PAX5: variants seen among roughly 807,000 people sequenced by gnomAD.
The protein encoded by PAX5 is paired box protein Pax-5.
A neutral mutation model predicts 43.7 loss-of-function variants in PAX5; 9 were observed. The ratio of observed to expected loss-of-function variants is 0.21; its 90% CI spans 0.12 to 0.36. The LOEUF (loss-of-function observed/expected upper bound fraction) is 0.36, where lower values mean the gene tolerates loss of function less well. Ranked by LOEUF, PAX5 falls within the 10% of genes least tolerant of loss-of-function variation. PAX5 has a pLI of 1.00. For synonymous variants in PAX5, 228 were observed against 214.3 expected (o/e 1.06, Z -0.56); for missense variants, 383 against 532.7 (o/e 0.72, Z 2.77).
At chr9:37,032,138 C>A (rs1233828647) in intron 1 of PAX5, among the ~76,000 whole-genome samples, 1 of 152,198 alleles carries the variant, frequency 6.6e-6, no homozygotes, top group Admixed American at 6.5e-5. Flanking sequence ...GCTTGGCCAG[C>A]CTAGGGCTCC....
chr9:36,927,523 T>C (rs1354268042), intron 6 of PAX5, among the ~76,000 whole-genome samples: 2 of 152,192 alleles, frequency 1.3e-5, no homozygotes, highest in East Asian at 3.8e-4. Context: ...GATCATCTTT[T>C]TAAGACAAGA....
chr9:36,966,786 G>A, intron 5 of PAX5, 62 bp from the exon 6 acceptor site: 1 of 1,489,138 alleles, frequency 6.7e-7, no homozygotes. Flanking sequence ...AAGAAAGACA[G>A]GTCAGACCCT....
At chr9:36,874,022 C>A (rs896281456) in intron 8 of PAX5, among the ~76,000 whole-genome samples, 1 of 152,194 alleles carries the variant, frequency 6.6e-6, no homozygotes, top group Non-Finnish European at 1.5e-5. Flanking sequence ...CCTAAGCCTG[C>A]ATGCTTTGCA....
At chr9:36,883,160 C>T (rs553308268) in intron 7 of PAX5, among the ~76,000 whole-genome samples, 9 of 152,222 alleles carry the variant, frequency 5.9e-5, no homozygotes, top group Non-Finnish European at 1.2e-4. Context: ...TGACAGTCTG[C>T]CCCCCTGCCC....
chr9:36,993,678 C>T (rs1311254861), intron 5 of PAX5, among the ~76,000 whole-genome samples: 1 of 152,268 alleles, frequency 6.6e-6, no homozygotes, highest in Non-Finnish European at 1.5e-5. Flanking sequence ...GTGGGATTCT[C>T]TTCCCCATGG....
intron 8 of PAX5, among the ~76,000 whole-genome samples, chr9:36,867,881 T>C (rs1825049978): frequency 6.6e-6 from 1 of 152,184 alleles, no homozygotes; most frequent in South Asian, 2.1e-4. Context: ...AAAAACAAAT[T>C]ACCCGCATTC....
chr9:37,002,607 G>A (rs1407041788), intron 5 of PAX5, 41 bp downstream of exon 5: 4 of 1,588,784 alleles, frequency 2.5e-6, no homozygotes, highest in African/African-American at 1.4e-5. Flanking sequence ...AACAGACCCC[G>A]TGGAGCGCAT....
chr9:37,014,975 C>G (rs1352994243), intron 3 of PAX5, 22 bp downstream of exon 3: 1 of 1,606,448 alleles, frequency 6.2e-7, no homozygotes, highest in Non-Finnish European at 8.5e-7. Context: ...ATCCCCAACC[C>G]CCACAGGCAC....
chr9:36,863,968 G>T (rs535049608), intron 8 of PAX5, among the ~76,000 whole-genome samples: 1 of 152,294 alleles, frequency 6.6e-6, no homozygotes, highest in South Asian at 2.1e-4. Context: ...AATTAGCTGG[G>T]CATGGTGGCA....
intron 7 of PAX5, among the ~76,000 whole-genome samples, chr9:36,889,940 A>ACGG (rs1349149188): frequency 0.014 from 1,179 of 82,316 alleles, 15 homozygotes; most frequent in Non-Finnish European, 0.017. Flanking sequence ...ATGTACACTA[A>ACGG]CGGGGGGGGG....
intron 6 of PAX5, among the ~76,000 whole-genome samples, chr9:36,963,154 G>A (rs1834113731): frequency 6.6e-6 from 1 of 152,236 alleles, no homozygotes; most frequent in Admixed American, 6.5e-5. Context: ...CACATTACAG[G>A]GAGGTGAAGC....
chr9:36,921,878 C>A (rs1235685354), intron 7 of PAX5, among the ~76,000 whole-genome samples: 1 of 152,158 alleles, frequency 6.6e-6, no homozygotes, highest in Non-Finnish European at 1.5e-5. Context: ...AATGGGAGTG[C>A]CTTCAGAGGT....
chr9:36,977,072 T>C (rs919259450), intron 5 of PAX5, among the ~76,000 whole-genome samples: 8 of 152,004 alleles, frequency 5.3e-5, no homozygotes, highest in Non-Finnish European at 8.8e-5. Context: ...ATAATTGCAA[T>C]GTAGTGCGAT....
intron 7 of PAX5, among the ~76,000 whole-genome samples, chr9:36,891,802 C>G (rs1341267284): frequency 6.6e-6 from 1 of 152,178 alleles, no homozygotes; most frequent in Non-Finnish European, 1.5e-5. Context: ...GACTGACCTC[C>G]TTCTAATTGC....
chr9:36,898,538 G>T (rs569756266), intron 7 of PAX5, among the ~76,000 whole-genome samples: 1 of 152,130 alleles, frequency 6.6e-6, no homozygotes, highest in African/African-American at 2.4e-5. Context: ...GAAGCTCACC[G>T]GGCAGGAGGA....
At chr9:36,921,006 T>C (rs1830130682) in intron 7 of PAX5, among the ~76,000 whole-genome samples, 1 of 152,056 alleles carries the variant, frequency 6.6e-6, no homozygotes, top group South Asian at 2.1e-4. Flanking sequence ...AGAGATGGGG[T>C]TTCACCATGT....
chr9:36,871,055 C>T (rs549304814), intron 8 of PAX5, among the ~76,000 whole-genome samples: 8 of 152,366 alleles, frequency 5.3e-5, no homozygotes, highest in African/African-American at 1.9e-4. Flanking sequence ...CAAGACTCAA[C>T]CACAAAACAG....
chr9:37,025,812 G>A (rs1267670172), intron 1 of PAX5, among the ~76,000 whole-genome samples: 1 of 152,192 alleles, frequency 6.6e-6, no homozygotes, highest in African/African-American at 2.4e-5. Context: ...TAACTAATTG[G>A]CTTCCTCTTT....
At chr9:36,982,010 A>G (rs1305559167) in intron 5 of PAX5, among the ~76,000 whole-genome samples, 1 of 152,256 alleles carries the variant, frequency 6.6e-6, no homozygotes, top group Non-Finnish European at 1.5e-5. Flanking sequence ...CCCCACTGTA[A>G]TCCCAGCACT....
Sources: allele counts gnomAD v4.1 joint callset (sites outside exome capture counted in the v4.1 genomes callset), GRCh38; gene constraint gnomAD v4.1.1; transcripts MANE v1.5; gene names NCBI Gene and HGNC (gene_info 2026-07-23, HGNC 2026-07-21).